EFHD2: variants seen among roughly 807,000 people sequenced by gnomAD.
The protein encoded by EFHD2 is EF-hand domain-containing protein D2.
A neutral mutation model predicts 20.3 loss-of-function variants in EFHD2; 12 were observed. That is an observed-to-expected ratio of 0.59 (90% CI 0.38 to 0.96). The LOEUF (loss-of-function observed/expected upper bound fraction) is 0.96. EFHD2 is among the 40% of genes least tolerant of loss of function. EFHD2 has a pLI of 0.00. For missense variants in EFHD2, 250 were observed against 334.3 expected, an observed-to-expected ratio of 0.75 and a Z score of 1.97; for synonymous variants, 131 against 143.9, an observed-to-expected ratio of 0.91 and a Z score of 0.64.
intron 1 of EFHD2, among the ~76,000 whole-genome samples, chr1:15,419,045 G>A (rs1707741610): frequency 6.6e-6 from 1 of 152,238 alleles, no homozygotes; most frequent in South Asian, 2.1e-4. Context: ...ATGACGTGGG[G>A]CTCACCTGGG....
intron 3 of EFHD2, among the ~76,000 whole-genome samples, 161 bp from the exon 4 acceptor site, chr1:15,428,432 G>A (rs1426599466): frequency 2.6e-5 from 4 of 152,220 alleles, no homozygotes; most frequent in African/African-American, 9.7e-5. Flanking sequence ...GGAAGGCAGA[G>A]GTTGCAGTGA....
rs893037259 is a variant in EFHD2 at position 15,419,401 on chromosome 1, C to T, written c.309-6470C>T. Among the ~76,000 whole-genome samples the T allele has an allele frequency of 3.9e-5, 6 of 152,238 alleles. No homozygotes were observed. The South Asian group carries it at 1.0e-3, about 26-fold the overall frequency. ...AAAAGTGCTGAGCTCCCAGGCTGGG[C>T]GCTTTCTGCCAGTACTGCCGAATGG... is the stretch of plus-strand genomic sequence containing the variant. On this transcript the variant is annotated intron_variant, in intron 1 of 3. Coordinates refer to ENST00000375980, the MANE Select transcript of EFHD2 (RefSeq NM_024329.6).
At chr1:15,420,700 A>G (rs1207243243) in intron 1 of EFHD2, among the ~76,000 whole-genome samples, 1 of 152,096 alleles carries the variant, frequency 6.6e-6, no homozygotes, top group Non-Finnish European at 1.5e-5. Flanking sequence ...CTACACTTTT[A>G]GTAGAGACGG....
intron 1 of EFHD2, among the ~76,000 whole-genome samples, chr1:15,415,840 A>C (rs1707659273): frequency 6.6e-6 from 1 of 152,142 alleles, no homozygotes; most frequent in Non-Finnish European, 1.5e-5. Flanking sequence ...CTGAGGCTCA[A>C]GGCGATTGTC....
Position 15,428,599 on chromosome 1 carries a change from G to A in EFHD2, c.598G>A (p.Ala200Thr), listed in dbSNP as rs1707912239. Residue 200 changes from alanine (A) to threonine (T), a missense_variant, in exon 4 of 4, where the codon GCC becomes ACC. Physicochemically the swap from Ala to Thr is moderately conservative, Grantham distance 58 (BLOSUM62 0). Coordinates refer to ENST00000375980, the MANE Select transcript of EFHD2 (RefSeq NM_024329.6). ...CACCCCCATGCCCCCGCAGGTCCAG[G>A]CCATCAACGTGTCCAGCCGCTTCGA... ...AKSFFEAKVQ[A>T]INVSSRFEEE... 2.5e-6 allele frequency: 4 copies of A among 1,610,972 alleles called. No individual in the cohort carries two copies. Among genetic ancestry groups the A allele is most frequent in the South Asian group, 1.1e-5 (1 of 90,548 alleles).
intron 3 of EFHD2, chr1:15,428,090 C>T (rs567205307): frequency 2.3e-6 from 1 of 434,228 alleles, no homozygotes; most frequent in Non-Finnish European, 4.8e-6. Context: ...AACTGAGGCT[C>T]AGGAAGGTGA....
In EFHD2 at chr1:15,409,993, A is replaced by G. The variant is rs903276649; in HGVS notation, c.22A>G (p.Thr8Ala). 2 of 1,252,476 alleles carry G rather than the reference A, an allele frequency of 1.6e-6. No individual in the cohort carries two copies. The highest frequency in any genetic ancestry group is 1.6e-5 in the African/African-American group (1 of 63,510). 77.6% of individuals were successfully genotyped at this position (1,252,476 alleles called of 1,614,324 possible). ...CACCATGGCCACGGACGAGCTGGCC[A>G]CCAAGCTGAGCCGGCGGCTGCAGAT... MATDELA[T>A]KLSRRLQMEG... Residue 8 changes from threonine (T) to alanine (A), a missense_variant, in exon 1 of 4, where the codon ACC becomes GCC. Transcript: ENST00000375980.
intron 1 of EFHD2, among the ~76,000 whole-genome samples, chr1:15,411,238 C>T (rs904280295): frequency 2.0e-5 from 3 of 151,812 alleles, no homozygotes; most frequent in African/African-American, 7.3e-5. Context: ...CCATGTCCCA[C>T]ACCCACCCTG....
intron 1 of EFHD2, among the ~76,000 whole-genome samples, chr1:15,415,596 C>G (rs143303386): frequency 6.7e-6 from 1 of 150,308 alleles, no homozygotes; most frequent in African/African-American, 2.5e-5. Flanking sequence ...TCAAGTGATT[C>G]TCCTGCTTCA....
At chr1:15,423,485 G>C (rs551514520) in intron 1 of EFHD2, among the ~76,000 whole-genome samples, 1 of 152,292 alleles carries the variant, frequency 6.6e-6, no homozygotes, top group South Asian at 2.1e-4. Flanking sequence ...CGTTGGGGAG[G>C]GGCTGGGTAC....
Position 15,426,033 on chromosome 1 carries a change from C to T in EFHD2, c.456+15C>T. The T allele has an allele frequency of 1.9e-6, 3 of 1,558,536 alleles. No individual in the cohort carries two copies. The highest frequency in any genetic ancestry group is 1.2e-5 in the South Asian group (1 of 83,458). ...GCTTCCGGGAGGTAAGCCCGGCCCC[C>T]AGCCCCACTCCCCTACCAGGGGCTT... On this transcript the variant is annotated intron_variant, in intron 2 of 3. Transcript: ENST00000375980. The surrounding 1 kb of genome is among the most constrained non-coding windows in gnomAD (Gnocchi z 4.6).
At position 15,410,235 on chromosome 1, in the gene EFHD2, GT is replaced by G; in HGVS notation, c.266del (p.Phe89SerfsTer26). 3 of 1,606,516 alleles carry G rather than the reference GT, an allele frequency of 1.9e-6. No individual in the cohort carries two copies. Among genetic ancestry groups the G allele is most frequent in the Non-Finnish European group, 1.7e-6 (2 of 1,177,186 alleles). On this transcript the variant is annotated frameshift_variant, in exon 1 of 4. Transcript: ENST00000375980. LOFTEE classifies it high-confidence loss of function. ...VFNPYTEFKE[F>X]SRKQIKDMEK... ...TCAACCCCTACACCGAGTTCAAGGAGTTCTCCAGGAAGCAGATCAAGGACAT... is the reference window on the plus strand; with the variant it reads ...TCAACCCCTACACCGAGTTCAAGGAGTCTCCAGGAAGCAGATCAAGGACAT...
chr1:15,415,725 A>C (rs1296841531), intron 1 of EFHD2, among the ~76,000 whole-genome samples: 1 of 151,966 alleles, frequency 6.6e-6, no homozygotes, highest in East Asian at 1.9e-4. Context: ...TCTGACCTCA[A>C]GTGATCTGCC....
chr1:15,415,391 C>T (rs1707644173), intron 1 of EFHD2, among the ~76,000 whole-genome samples: 1 of 152,108 alleles, frequency 6.6e-6, no homozygotes, highest in Non-Finnish European at 1.5e-5. Flanking sequence ...AACAGAGCCA[C>T]TAGTTCTAGC....
chr1:15,414,270 T>C (rs1465872656), intron 1 of EFHD2, among the ~76,000 whole-genome samples: 1 of 152,076 alleles, frequency 6.6e-6, no homozygotes, highest in East Asian at 1.9e-4. Flanking sequence ...TGGCCAGCTC[T>C]TCCCTGCACA....
At chr1:15,416,138 C>T (rs2496323) in intron 1 of EFHD2, among the ~76,000 whole-genome samples, 1 of 152,198 alleles carries the variant, frequency 6.6e-6, no homozygotes, top group Non-Finnish European at 1.5e-5. Flanking sequence ...TTCCCCACAC[C>T]CCCGGCCCAG....
At chr1:15,420,228 C>T (rs1031124087) in intron 1 of EFHD2, among the ~76,000 whole-genome samples, 1 of 152,226 alleles carries the variant, frequency 6.6e-6, no homozygotes, top group African/African-American at 2.4e-5. Flanking sequence ...ATGTGACACA[C>T]ACAAACTTCT....
At chr1:15,428,085 A>T in intron 3 of EFHD2, 1 of 435,848 alleles carries the variant, frequency 2.3e-6, no homozygotes, top group Non-Finnish European at 4.7e-6. Flanking sequence ...GAGGAAACTG[A>T]GGCTCAGGAA....
At position 15,428,666 on chromosome 1, in the gene EFHD2, CGGA is replaced by C; in HGVS notation, c.670_672del (p.Glu224del). On this transcript the variant is annotated inframe_deletion, in exon 4 of 4. Transcript: ENST00000375980. ...GAGCAGGAGGAAAGGAAGAAGCAGGCGGAGGAGATGAAGCAGCGGAAAGCGGCC... is the reference window on the plus strand; with the variant it reads ...GAGCAGGAGGAAAGGAAGAAGCAGGCGGAGATGAAGCAGCGGAAAGCGGCC... The C allele has an allele frequency of 6.2e-7, 1 of 1,608,012 alleles. No homozygotes were observed. The highest frequency in any genetic ancestry group is 8.5e-7 in the Non-Finnish European group (1 of 1,177,762).
Sources: gnomAD v4.1 joint callset for allele counts (sites outside exome capture counted in the v4.1 genomes callset) on GRCh38, gnomAD v4.1.1 for gene constraint, Gnocchi (gnomAD v3.1) non-coding constraint, MANE v1.5 for transcripts, NCBI Gene and HGNC (gene_info 2026-07-23, HGNC 2026-07-21) for gene names.